The following CDK8 variants were observed in gnomAD, a reference collection of about 807,000 sequenced individuals.
The protein encoded by CDK8 is cyclin dependent kinase 8.
In CDK8, 29 loss-of-function variants were observed where a neutral mutation model predicts 71.5. The observed-to-expected ratio is 0.41, with a 90% confidence interval of 0.30 to 0.55. CDK8 has a LOEUF of 0.55. CDK8 is among the 20% of genes least tolerant of loss of function. The probability of loss-of-function intolerance (pLI) is 0.37; values close to 1 mark genes in which losing one functional copy is unlikely to be tolerated. For missense variants in CDK8, 288 were observed against 572.6 expected (o/e 0.50, Z 5.07); for synonymous variants, 161 against 192.1 (o/e 0.84, Z 1.34).
chr13:26,280,491 C>G (rs555521945), intron 1 of CDK8, among the ~76,000 whole-genome samples: 1 of 152,236 alleles, frequency 6.6e-6, no homozygotes, highest in Admixed American at 6.5e-5. Flanking sequence ...TATAACTTGT[C>G]TATGATTAAA....
rs532312184 is a variant in CDK8, at chr13:26,317,022, C to T, written c.129-20545C>T. 2.0e-5 allele frequency among the ~76,000 whole-genome samples: 3 copies of T among 151,720 alleles called. No individual in the cohort carries two copies. The South Asian group carries it at 6.3e-4, about 32-fold the overall frequency. On this transcript the variant is annotated intron_variant, in intron 1 of 12. Transcript: ENST00000381527. Reference sequence around the variant, plus strand: ...AATTAAGAGATAGAAAACCTAAAAACCTAAAGGACAATGGAAATGGTATCA... The same window carrying T: ...AATTAAGAGATAGAAAACCTAAAAATCTAAAGGACAATGGAAATGGTATCA...
At chr13:26,299,687 C>T (rs1389818901) in intron 1 of CDK8, among the ~76,000 whole-genome samples, 1 of 152,106 alleles carries the variant, frequency 6.6e-6, no homozygotes. Context: ...CAAAGTCGGC[C>T]TCATATTTTC....
rs576591359 is a variant in CDK8, at chr13:26,379,538, A to G, written c.457-3276A>G. 8.5e-5 allele frequency among the ~76,000 whole-genome samples: 13 copies of G among 152,280 alleles called. No homozygotes were observed. The East Asian group carries it at 2.5e-3, about 29-fold the overall frequency. ...CTTCTTCAAGTGCCAAGCCAATACC[A>G]TCCATCCCAGGGCTTTTCAGATCTG... On this transcript the variant is annotated intron_variant, in intron 4 of 12. Transcript: ENST00000381527.
At chr13:26,352,155 A>G (rs867287805) in intron 3 of CDK8, among the ~76,000 whole-genome samples, 3 of 145,854 alleles carry the variant, frequency 2.1e-5, no homozygotes, top group South Asian at 4.4e-4. Flanking sequence ...ATTTTTATTT[A>G]TATTTATTTT....
At chr13:26,282,585 A>T (rs1872800450) in intron 1 of CDK8, among the ~76,000 whole-genome samples, 1 of 152,184 alleles carries the variant, frequency 6.6e-6, no homozygotes, top group Non-Finnish European at 1.5e-5. Context: ...TTGAAGCAAA[A>T]CCTTGAAATA....
intron 3 of CDK8, among the ~76,000 whole-genome samples, chr13:26,349,598 G>A (rs1291231041): frequency 1.3e-5 from 2 of 152,148 alleles, no homozygotes; most frequent in Non-Finnish European, 2.9e-5. Context: ...GCTATCTTTG[G>A]AGAGATCTAA....
chr13:26,356,857 C>T (rs1181795988), intron 4 of CDK8, among the ~76,000 whole-genome samples: 1 of 151,952 alleles, frequency 6.6e-6, no homozygotes, highest in African/African-American at 2.4e-5. Context: ...TATTCTTTAC[C>T]CCTGTTTAGT....
intron 10 of CDK8, 81 bp downstream of exon 10, chr13:26,400,631 GCTC>G (rs1876212283): frequency 1.2e-6 from 1 of 840,684 alleles, no homozygotes; most frequent in Non-Finnish European, 2.0e-6. Flanking sequence ...CTCTTAAGTT[GCTC>G]CTCCTCTTAT....
intron 1 of CDK8, among the ~76,000 whole-genome samples, chr13:26,315,875 G>C (rs1262784842): frequency 6.6e-6 from 1 of 152,238 alleles, no homozygotes; most frequent in Non-Finnish European, 1.5e-5. Flanking sequence ...TATGAAACCA[G>C]TTGCACTGGC....
intron 1 of CDK8, among the ~76,000 whole-genome samples, chr13:26,329,483 G>GTTTTTTTTTT (rs543441898): frequency 1.6e-4 from 20 of 128,446 alleles, no homozygotes; most frequent in East Asian, 2.2e-4. Flanking sequence ...TTTTTTTTTT[G>GTTTTTTTTTT]TTTTTTTTTT....
chr13:26,312,052 G>T (rs1313331104), intron 1 of CDK8, among the ~76,000 whole-genome samples: 1 of 152,202 alleles, frequency 6.6e-6, no homozygotes, highest in African/African-American at 2.4e-5. Context: ...CCTGGGTCGA[G>T]TGGGGACTTG....
At chr13:26,372,511 T>A (rs952577983) in intron 4 of CDK8, among the ~76,000 whole-genome samples, 1 of 152,178 alleles carries the variant, frequency 6.6e-6, no homozygotes, top group Non-Finnish European at 1.5e-5. Flanking sequence ...ATAGTTTGTG[T>A]GTATAAACAT....
chr13:26,319,358 A>G (rs1874656974), intron 1 of CDK8, among the ~76,000 whole-genome samples: 1 of 152,034 alleles, frequency 6.6e-6, no homozygotes, highest in African/African-American at 2.4e-5. Context: ...AATTCCAGCT[A>G]CTCAGGAGGC....
At chr13:26,284,173 C>G (rs924118669) in intron 1 of CDK8, among the ~76,000 whole-genome samples, 4 of 152,088 alleles carry the variant, frequency 2.6e-5, no homozygotes, top group African/African-American at 9.7e-5. Context: ...GCATTAAATG[C>G]CTGCATCAAA....
chr13:26,339,142 T>C (rs1230548499), intron 2 of CDK8, among the ~76,000 whole-genome samples: 4 of 152,106 alleles, frequency 2.6e-5, no homozygotes, highest in Admixed American at 2.0e-4. Flanking sequence ...TATGAAGTCT[T>C]ACTAATTTTT....
At chr13:26,366,529 A>G (rs949886589) in intron 4 of CDK8, among the ~76,000 whole-genome samples, 15 of 152,120 alleles carry the variant, frequency 9.9e-5, no homozygotes, top group African/African-American at 3.4e-4. Context: ...TTCCCTTTTA[A>G]TAGTGATCAC....
At chr13:26,338,262 C>T (rs147923509) in intron 2 of CDK8, among the ~76,000 whole-genome samples, 3 of 152,096 alleles carry the variant, frequency 2.0e-5, no homozygotes, top group Admixed American at 2.0e-4. Flanking sequence ...TCTTTTCTGG[C>T]TTTACACAGA....
At chr13:26,350,040 T>C (rs1353145326) in intron 3 of CDK8, among the ~76,000 whole-genome samples, 1 of 152,226 alleles carries the variant, frequency 6.6e-6, no homozygotes, top group Non-Finnish European at 1.5e-5. Flanking sequence ...TACAGGTTTG[T>C]AGCCTAGGAG....
At chr13:26,347,837 T>C (rs1462223312) in intron 2 of CDK8, among the ~76,000 whole-genome samples, 2 of 152,172 alleles carry the variant, frequency 1.3e-5, no homozygotes, top group African/African-American at 4.8e-5. Flanking sequence ...CCTTCATACA[T>C]TGCAGATGGG....
Sources: gnomAD v4.1 joint callset for allele counts (sites outside exome capture counted in the v4.1 genomes callset) on GRCh38, gnomAD v4.1.1 for gene constraint, MANE v1.5 for transcripts, NCBI Gene and HGNC (gene_info 2026-07-23, HGNC 2026-07-21) for gene names.